Variants in STK10 observed in about 807,000 individuals in gnomAD.
STK10 encodes the protein serine/threonine kinase 10.
STK10 carries 78 observed loss-of-function variants against 113.8 expected under a neutral mutation model. That is an observed-to-expected ratio of 0.69 (90% confidence interval 0.57 to 0.83). The LOEUF (loss-of-function observed/expected upper bound fraction) is 0.83, where lower values mean the gene tolerates loss of function less well. Ranked by LOEUF, STK10 falls within the 40% of genes least tolerant of loss-of-function variation. The pLI, the probability that STK10 is intolerant of heterozygous loss-of-function variation, is 0.00. For synonymous variants in STK10, 465 were observed against 494.7 expected (o/e 0.94, Z 0.80); for missense variants, 1,109 against 1,280.1 (o/e 0.87, Z 2.04).
chr5:172,178,048 G>T (rs192088172), intron 1 of STK10, among the ~76,000 whole-genome samples: 1 of 152,268 alleles, frequency 6.6e-6, no homozygotes, highest in South Asian at 2.1e-4. Context: ...GGCTGGTCTC[G>T]AACTCCTGAC....
At chr5:172,170,106 A>G (rs1254828906) in intron 1 of STK10, among the ~76,000 whole-genome samples, 1 of 147,930 alleles carries the variant, frequency 6.8e-6, no homozygotes, top group Non-Finnish European at 1.5e-5. Flanking sequence ...GTCATGGCAG[A>G]CACTCAGTAT....
intron 2 of STK10, among the ~76,000 whole-genome samples, chr5:172,130,465 A>G (rs1478699180): frequency 6.6e-6 from 1 of 151,542 alleles, no homozygotes; most frequent in East Asian, 1.9e-4. Context: ...CAGGAGGCGG[A>G]GGCTGCAGTG....
Position 172,187,865 on chromosome 5 carries a change from C to G in STK10, c.156+22G>C, listed in dbSNP as rs1770985306. On this transcript the variant is annotated intron_variant, in intron 1 of 18. Coordinates refer to ENST00000176763, the MANE Select transcript of STK10 (RefSeq NM_005990.4). This position sits in a 1 kb window ranked among gnomAD's most constrained non-coding sequence, Gnocchi z 4.6. ...CCGGAGCCCCTCGACGCGCGTCCGGCCACCCACCTCAGCGCCCTCACCTTG... is the reference window on the plus strand; with the variant it reads ...CCGGAGCCCCTCGACGCGCGTCCGGGCACCCACCTCAGCGCCCTCACCTTG... 6.2e-7 allele frequency: 1 copy of G among 1,610,572 alleles called. No individual in the cohort carries two copies. Among genetic ancestry groups the G allele is most frequent in the Non-Finnish European group, 8.5e-7 (1 of 1,178,740 alleles).
chr5:172,058,150 G>A (rs1238556495), intron 14 of STK10, among the ~76,000 whole-genome samples: 1 of 152,218 alleles, frequency 6.6e-6, no homozygotes, highest in African/African-American at 2.4e-5. Flanking sequence ...TTCGAGACAG[G>A]AGATTATGCT....
chr5:172,138,788 G>A (rs757368514), intron 2 of STK10, among the ~76,000 whole-genome samples: 7 of 152,138 alleles, frequency 4.6e-5, no homozygotes, highest in East Asian at 3.9e-4. Flanking sequence ...TAAGGTGGGC[G>A]GATCACGAGG....
intron 3 of STK10, among the ~76,000 whole-genome samples, chr5:172,126,520 C>A (rs1159662556): frequency 6.6e-6 from 1 of 151,992 alleles, no homozygotes. Context: ...GCTGAGATTG[C>A]GCCACTGCAC....
intron 4 of STK10, among the ~76,000 whole-genome samples, chr5:172,110,294 G>C (rs1160727695): frequency 6.6e-6 from 1 of 152,170 alleles, no homozygotes. Context: ...GGGAGGGCTG[G>C]GGGCTTTGGA....
intron 12 of STK10, among the ~76,000 whole-genome samples, chr5:172,081,650 G>T (rs930479224): frequency 9.9e-5 from 15 of 152,238 alleles, no homozygotes; most frequent in African/African-American, 3.4e-4. Context: ...CCATGGTAAA[G>T]TCTGGAATCT....
intron 9 of STK10, among the ~76,000 whole-genome samples, 173 bp from the exon 10 acceptor site, chr5:172,090,535 G>C (rs74527560): frequency 6.6e-6 from 1 of 152,110 alleles, no homozygotes; most frequent in African/African-American, 2.4e-5. Flanking sequence ...TGGGGGTTCT[G>C]AGCTTATTCC....
intron 10 of STK10, among the ~76,000 whole-genome samples, chr5:172,089,920 G>T (rs1343463243): frequency 6.6e-6 from 1 of 151,910 alleles, no homozygotes; most frequent in Non-Finnish European, 1.5e-5. Flanking sequence ...AAGTTGAGTG[G>T]GTAGATAGGT....
At chr5:172,048,778 A>G (rs1388562336) in intron 18 of STK10, among the ~76,000 whole-genome samples, 1 of 150,330 alleles carries the variant, frequency 6.7e-6, no homozygotes, top group Non-Finnish European at 1.5e-5. Flanking sequence ...TCTGCTCAGA[A>G]CCCTCCAGTG....
At chr5:172,108,223 T>C (rs139015313) in intron 4 of STK10, 88 of 163,754 alleles carry the variant, frequency 5.4e-4, no homozygotes, top group Non-Finnish European at 9.6e-4. Flanking sequence ...CCCATTATAA[T>C]AACAGTGCCA....
At chr5:172,167,570 T>A (rs1223121882) in intron 1 of STK10, among the ~76,000 whole-genome samples, 2 of 152,140 alleles carry the variant, frequency 1.3e-5, no homozygotes, top group African/African-American at 4.8e-5. Context: ...GCCTCCCACA[T>A]AGAGAGAGAC....
intron 1 of STK10, among the ~76,000 whole-genome samples, chr5:172,182,095 G>C (rs1319280782): frequency 6.6e-6 from 1 of 151,840 alleles, no homozygotes; most frequent in East Asian, 1.9e-4. Flanking sequence ...ACAAGGTCAG[G>C]AGTTCGAGAC....
intron 2 of STK10, among the ~76,000 whole-genome samples, chr5:172,139,705 A>C (rs1315156090): frequency 6.6e-6 from 1 of 151,988 alleles, no homozygotes; most frequent in Non-Finnish European, 1.5e-5. Flanking sequence ...ACTCAAAATG[A>C]ATTACAAAGT....
intron 4 of STK10, 138 bp from the exon 5 acceptor site, chr5:172,107,990 T>C (rs753626273): frequency 7.4e-5 from 50 of 677,892 alleles, no homozygotes; most frequent in Admixed American, 3.1e-4. Context: ...GCATTAAAAA[T>C]GTAAGACTAT....
intron 12 of STK10, among the ~76,000 whole-genome samples, chr5:172,072,773 A>G (rs1768224867): frequency 6.6e-6 from 1 of 152,232 alleles, no homozygotes; most frequent in South Asian, 2.1e-4. Flanking sequence ...GGCTAGCACA[A>G]TAAAGCAATT....
chr5:172,106,007 T>C (rs542507447), intron 6 of STK10, among the ~76,000 whole-genome samples: 3 of 152,258 alleles, frequency 2.0e-5, no homozygotes, highest in African/African-American at 7.2e-5. Flanking sequence ...AGGCCCCCGA[T>C]GTCCCGCCCA....
At chr5:172,063,985 A>C (rs1767990164) in intron 13 of STK10, among the ~76,000 whole-genome samples, 1 of 152,162 alleles carries the variant, frequency 6.6e-6, no homozygotes, top group African/African-American at 2.4e-5. Flanking sequence ...CACAGCAAAG[A>C]GGCGGCGCTT....
Sources: gnomAD v4.1 joint callset for allele counts (sites outside exome capture counted in the v4.1 genomes callset) on GRCh38, gnomAD v4.1.1 for gene constraint, Gnocchi (gnomAD v3.1) non-coding constraint, MANE v1.5 for transcripts, NCBI Gene and HGNC (gene_info 2026-07-23, HGNC 2026-07-21) for gene names.